Variants in PTPRZ1 observed in about 807,000 individuals in gnomAD.
PTPRZ1 encodes the protein protein tyrosine phosphatase receptor type Z1.
A neutral mutation model predicts 214.1 loss-of-function variants in PTPRZ1; 82 were observed. The ratio of observed to expected loss-of-function variants is 0.38; its 90% CI spans 0.32 to 0.46. The LOEUF is 0.46. Among genes scored for constraint, PTPRZ1 ranks in the 20% least tolerant of loss-of-function variants. The probability of loss-of-function intolerance (pLI) is 1.00; values close to 1 mark genes in which losing one functional copy is unlikely to be tolerated. For missense variants in PTPRZ1, 2,603 were observed against 2,748.7 expected (o/e 0.95, Z 1.19); for synonymous variants, 945 against 987.9 (o/e 0.96, Z 0.81).
chr7:121,931,823 CA>C (rs1418693147), intron 2 of PTPRZ1, among the ~76,000 whole-genome samples: 1 of 152,046 alleles, frequency 6.6e-6, no homozygotes, highest in Non-Finnish European at 1.5e-5. Flanking sequence ...GCTTTAAAAT[CA>C]AGTTGAATCA....
In PTPRZ1 at chr7:122,058,790, C is replaced by T. The variant is rs1044946313; in HGVS notation, c.6529-10C>T. ...ACTAACTAACATTACTTTGTGTTTT[C>T]TTGTTATAGGATGATTATGTACTTG... On this transcript the variant is annotated splice_polypyrimidine_tract_variant and intron_variant, in intron 27 of 29. Transcript: ENST00000393386. The T allele has an allele frequency of 6.3e-7, 1 of 1,594,072 alleles. No homozygotes were observed. The highest frequency in any genetic ancestry group is 8.6e-7 in the Non-Finnish European group (1 of 1,166,720).
intron 29 of PTPRZ1, 68 bp from the exon 30 acceptor site, chr7:122,061,012 T>A: frequency 6.9e-7 from 1 of 1,442,596 alleles, no homozygotes; most frequent in Admixed American, 2.1e-5. Context: ...TAAAAATATT[T>A]CTTCTTTTTA....
intron 2 of PTPRZ1, among the ~76,000 whole-genome samples, chr7:121,963,263 AG>A (rs2116495185): frequency 6.6e-6 from 1 of 152,204 alleles, no homozygotes; most frequent in Admixed American, 6.5e-5. Context: ...CAGAATAAAC[AG>A]TATACCCTGA....
chr7:121,957,771 A>G (rs1028591022), intron 2 of PTPRZ1, among the ~76,000 whole-genome samples: 5 of 152,162 alleles, frequency 3.3e-5, no homozygotes, highest in Admixed American at 1.3e-4. Flanking sequence ...TGTTAGTTCA[A>G]CTGCCAAACT....
intron 6 of PTPRZ1, among the ~76,000 whole-genome samples, chr7:121,982,761 G>T (rs1051943879): frequency 1.3e-5 from 2 of 151,754 alleles, no homozygotes; most frequent in African/African-American, 4.8e-5. Flanking sequence ...CTCATTCTCT[G>T]TAGATGATTT....
intron 1 of PTPRZ1, among the ~76,000 whole-genome samples, chr7:121,874,511 T>C (rs1047306969): frequency 4.6e-5 from 7 of 152,230 alleles, no homozygotes; most frequent in African/African-American, 1.7e-4. Flanking sequence ...AGTACACATA[T>C]TTAATTCTTT....
intron 10 of PTPRZ1, among the ~76,000 whole-genome samples, chr7:122,003,146 G>A (rs888140633): frequency 5.3e-5 from 8 of 152,106 alleles, no homozygotes; most frequent in African/African-American, 1.7e-4. Flanking sequence ...AGAATAAAGA[G>A]CATGAAGAAC....
chr7:121,894,695 C>T (rs1315631944), intron 1 of PTPRZ1, among the ~76,000 whole-genome samples: 5 of 152,164 alleles, frequency 3.3e-5, no homozygotes, highest in Admixed American at 1.3e-4. Context: ...TGTGAGCCAC[C>T]ACACCTGGTC....
chr7:121,969,250 A>AAAAC (rs564388497), intron 3 of PTPRZ1, among the ~76,000 whole-genome samples: 23 of 150,102 alleles, frequency 1.5e-4, no homozygotes, highest in African/African-American at 4.9e-4. Context: ...AAATCAAATC[A>AAAAC]AAACAAACAA....
At chr7:121,946,488 T>G (rs761529659) in intron 2 of PTPRZ1, among the ~76,000 whole-genome samples, 3 of 152,136 alleles carry the variant, frequency 2.0e-5, no homozygotes, top group Non-Finnish European at 4.4e-5. Context: ...AAGAGACAAC[T>G]GACAACAAAG....
At chr7:121,921,157 C>T (rs192521967) in intron 1 of PTPRZ1, among the ~76,000 whole-genome samples, 1 of 151,894 alleles carries the variant, frequency 6.6e-6, no homozygotes, top group Admixed American at 6.6e-5. Context: ...CAAAAAATAA[C>T]TCAACTTTAG....
At chr7:121,932,792 C>T (rs1485512959) in intron 2 of PTPRZ1, among the ~76,000 whole-genome samples, 1 of 152,024 alleles carries the variant, frequency 6.6e-6, no homozygotes, top group Non-Finnish European at 1.5e-5. Context: ...CAATGTAAAT[C>T]CCCGCTGGCT....
At chr7:122,046,972 T>C (rs748606803) in intron 23 of PTPRZ1, among the ~76,000 whole-genome samples, 4 of 152,132 alleles carry the variant, frequency 2.6e-5, no homozygotes, top group Admixed American at 6.5e-5. Flanking sequence ...AATTAACCTA[T>C]GAATGGCCAG....
chr7:122,051,351 CTGTA>C lies in PTPRZ1; in HGVS notation c.6085-69_6085-66del, dbSNP rs905050651. On this transcript the variant is annotated intron_variant, in intron 23 of 29. Coordinates refer to ENST00000393386, the MANE Select transcript of PTPRZ1 (RefSeq NM_002851.3). ...TCTTGATTGGTGTGTGTGTGTGTGT[CTGTA>C]TGTATGTGTGTGTGTGTGTATTTGG... is the stretch of plus-strand genomic sequence containing the variant. 1.9e-5 allele frequency: 17 copies of C among 888,800 alleles called. No homozygotes were observed. In the South Asian group the frequency reaches 2.6e-4, roughly 14 times the overall value. The allele number at this position is 888,800 out of a possible 1,614,324, so 55.1% of individuals were successfully genotyped here. A position where few individuals can be genotyped will look rare whatever the true frequency, so the allele number is the denominator to read the frequency against.
chr7:122,057,960 GTGTGTGTGTA>G (rs1792416173), intron 27 of PTPRZ1, among the ~76,000 whole-genome samples: 1 of 83,600 alleles, frequency 1.2e-5, no homozygotes, highest in African/African-American at 1.1e-4. Context: ...GTGTGTGTGT[GTGTGTGTGTA>G]TATATATACA....
intron 2 of PTPRZ1, among the ~76,000 whole-genome samples, chr7:121,938,006 T>A (rs921772648): frequency 1.3e-5 from 2 of 152,210 alleles, no homozygotes; most frequent in African/African-American, 4.8e-5. Context: ...GTATGTATCA[T>A]ATATTTCATA....
chr7:122,057,901 CCCA>C (rs778336615), intron 27 of PTPRZ1, among the ~76,000 whole-genome samples: 128 of 151,234 alleles, frequency 8.5e-4, no homozygotes, highest in Non-Finnish European at 1.4e-3. Flanking sequence ...TACCCATTGT[CCCA>C]CCATTATTTA....
At chr7:122,019,989 A>G (rs1798967990) in intron 13 of PTPRZ1, among the ~76,000 whole-genome samples, 1 of 152,180 alleles carries the variant, frequency 6.6e-6, no homozygotes, top group African/African-American at 2.4e-5. Flanking sequence ...TTATGATGAT[A>G]TAAGGAATCA....
At chr7:121,917,145 G>A (rs1035172985) in intron 1 of PTPRZ1, among the ~76,000 whole-genome samples, 16 of 152,122 alleles carry the variant, frequency 1.1e-4, no homozygotes, top group African/African-American at 3.9e-4. Context: ...ATGATAACTA[G>A]TAATTATCAC....
Sources: gnomAD v4.1 joint callset for allele counts (sites outside exome capture counted in the v4.1 genomes callset) on GRCh38, gnomAD v4.1.1 for gene constraint, MANE v1.5 for transcripts, NCBI Gene and HGNC (gene_info 2026-07-23, HGNC 2026-07-21) for gene names.